Variants in FAM135B observed in about 807,000 individuals in gnomAD.
FAM135B encodes the protein family with sequence similarity 135 member B.
A neutral mutation model predicts 127.7 loss-of-function variants in FAM135B; 43 were observed. That is an observed-to-expected ratio of 0.34 (90% CI 0.26 to 0.43). The LOEUF is 0.43. Ranked by LOEUF, FAM135B falls within the 20% of genes least tolerant of loss-of-function variation. FAM135B has a pLI of 1.00. For synonymous variants in FAM135B, 670 were observed against 665.1 expected, an observed-to-expected ratio of 1.01 and a Z score of -0.11; for missense variants, 1,558 against 1,725.6, an observed-to-expected ratio of 0.90 and a Z score of 1.72.
intron 2 of FAM135B, among the ~76,000 whole-genome samples, chr8:138,334,353 T>G (rs913401419): frequency 1.3e-5 from 2 of 152,220 alleles, no homozygotes; most frequent in Non-Finnish European, 2.9e-5. Flanking sequence ...TTAGCAAATA[T>G]TCACTTATTC....
intron 3 of FAM135B, among the ~76,000 whole-genome samples, chr8:138,289,483 C>A: frequency 6.6e-6 from 1 of 152,218 alleles, no homozygotes; most frequent in Admixed American, 6.5e-5. Context: ...AAGCTGTGGC[C>A]CTGGACATTT....
intron 1 of FAM135B, among the ~76,000 whole-genome samples, chr8:138,431,257 A>T (rs1835173853): frequency 6.6e-6 from 1 of 152,218 alleles, no homozygotes; most frequent in South Asian, 2.1e-4. Flanking sequence ...AAGAGAAAAC[A>T]TGCCCCTGCC....
At chr8:138,195,659 A>AAC (rs889536031) in intron 8 of FAM135B, among the ~76,000 whole-genome samples, 20 of 146,966 alleles carry the variant, frequency 1.4e-4, no homozygotes, top group Non-Finnish European at 2.2e-4. Flanking sequence ...CACACACACA[A>AAC]ACACACACAC....
At position 138,475,509 on chromosome 8, in the gene FAM135B, C is replaced by T. The variant is rs116825005; in HGVS notation, c.-20+21162G>A. ...CCATGTCTGCAAGTAGCATCACTAC[C>T]ATCTACCATCTTGTCATCCAACCCA... On this transcript the variant is annotated intron_variant, in intron 1 of 19. Coordinates refer to ENST00000395297, the MANE Select transcript of FAM135B (RefSeq NM_015912.4). 6.2e-3 allele frequency among the ~76,000 whole-genome samples: 938 copies of T among 152,252 alleles called. 6 individuals are homozygous for T. Among genetic ancestry groups the T allele is most frequent in the African/African-American group, 0.022 (908 of 41,550 alleles).
intron 7 of FAM135B, among the ~76,000 whole-genome samples, chr8:138,224,752 A>C (rs1432908340): frequency 6.6e-6 from 1 of 152,202 alleles, no homozygotes; most frequent in Non-Finnish European, 1.5e-5. Context: ...TTAGGTCATG[A>C]GGATGGGACC....
Position 138,267,346 on chromosome 8 carries a change from C to A in FAM135B, c.158-1504G>T, listed in dbSNP as rs557017273. ...CTCTAGAACTGTGAAAAATACATTT[C>A]TGTGGTCAATAAGGCACCCAGTTTA... On this transcript the variant is annotated intron_variant, in intron 3 of 19. Coordinates refer to ENST00000395297, the MANE Select transcript of FAM135B (RefSeq NM_015912.4). 5.7e-4 allele frequency among the ~76,000 whole-genome samples: 87 copies of A among 152,272 alleles called. 2 individuals are homozygous for A. The South Asian group carries it at 9.3e-3, about 16-fold the overall frequency.
At position 138,265,723 on chromosome 8, in the gene FAM135B, A is replaced by C. The variant is rs1181762299; in HGVS notation, c.277T>G (p.Leu93Val). 1 of 1,614,046 alleles carries C rather than the reference A, an allele frequency of 6.2e-7. No homozygotes were observed. ...INDAVVFRVH[L>V]LLGGERMEDA... is the part of the protein sequence containing the mutation. ...CTTACCCTTTCACCACCCAAGAGTA[A>C]ATGAACTCGGAAGACCACAGCATCA... The change falls in exon 4 of 20, where the codon TTA (leucine) becomes GTA (valine). Residue 93 changes from leucine (L) to valine (V), a missense_variant. Leu to Val is a conservative substitution (Grantham distance 32, BLOSUM62 1). Coordinates refer to ENST00000395297, the MANE Select transcript of FAM135B (RefSeq NM_015912.4).
chr8:138,214,719 A>G (rs1032951962), intron 7 of FAM135B, among the ~76,000 whole-genome samples: 5 of 152,124 alleles, frequency 3.3e-5, no homozygotes, highest in Admixed American at 2.0e-4. Context: ...GAAAAATAAA[A>G]TTGATACGAT....
intron 1 of FAM135B, among the ~76,000 whole-genome samples, chr8:138,399,020 T>C (rs1423295033): frequency 1.3e-5 from 2 of 152,196 alleles, no homozygotes; most frequent in African/African-American, 4.8e-5. Flanking sequence ...TTATGCAAAA[T>C]TAGCCTGTCT....
intron 7 of FAM135B, among the ~76,000 whole-genome samples, chr8:138,203,354 C>G (rs1817295601): frequency 1.3e-5 from 2 of 152,112 alleles, no homozygotes; most frequent in South Asian, 4.1e-4. Context: ...GCCCAACACC[C>G]AAGAACAAAA....
At chr8:138,192,920 T>C (rs1470781422) in intron 9 of FAM135B, among the ~76,000 whole-genome samples, 3 of 152,186 alleles carry the variant, frequency 2.0e-5, no homozygotes. Flanking sequence ...TTTATCCCCA[T>C]TTACAGATAA....
intron 1 of FAM135B, chr8:138,441,178 G>A (rs1835743562): frequency 6.6e-6 from 1 of 152,174 alleles, no homozygotes; most frequent in African/African-American, 2.4e-5. Flanking sequence ...TACAGCACTG[G>A]AGAGTAAACA....
chr8:138,201,006 C>T (rs542164378), intron 7 of FAM135B, among the ~76,000 whole-genome samples: 1 of 152,342 alleles, frequency 6.6e-6, no homozygotes, highest in East Asian at 1.9e-4. Flanking sequence ...GCCTCTGAAA[C>T]CAGGCCTGGC....
chr8:138,306,205 C>A lies in FAM135B; in HGVS notation c.157+4636G>T, dbSNP rs775028983. Among the ~76,000 whole-genome samples the A allele has an allele frequency of 2.0e-5, 3 of 152,024 alleles. No individual in the cohort carries two copies. In the South Asian group the frequency reaches 6.2e-4, roughly 32 times the overall value. On this transcript the variant is annotated intron_variant, in intron 3 of 19. Transcript: ENST00000395297. ...ATACCAGCACTTTGGGAGGCTGAGGCGGGCAGATCACTTGAGGTCAGGAGT... is the reference window on the plus strand; with the variant it reads ...ATACCAGCACTTTGGGAGGCTGAGGAGGGCAGATCACTTGAGGTCAGGAGT...
At chr8:138,347,535 T>C (rs1019854178) in intron 2 of FAM135B, among the ~76,000 whole-genome samples, 2 of 152,194 alleles carry the variant, frequency 1.3e-5, no homozygotes, top group Non-Finnish European at 2.9e-5. Flanking sequence ...CCAAAAGGAA[T>C]GGTGCCCAGT....
intron 2 of FAM135B, chr8:138,358,420 G>A (rs17666254): frequency 0.048 from 7,367 of 152,282 alleles, 236 homozygotes; most frequent in Non-Finnish European, 0.072. Context: ...GACCAGCTGA[G>A]GATGTTTGGT....
At chr8:138,166,939 A>G (rs1282983825) in intron 12 of FAM135B, among the ~76,000 whole-genome samples, 2 of 152,010 alleles carry the variant, frequency 1.3e-5, no homozygotes, top group Non-Finnish European at 2.9e-5. Context: ...AAAACAAATC[A>G]GCCTGGAGAA....
chr8:138,160,239 A>G (rs1819224767), intron 12 of FAM135B, among the ~76,000 whole-genome samples: 1 of 152,072 alleles, frequency 6.6e-6, no homozygotes, highest in South Asian at 2.1e-4. Context: ...ATGCGATCAA[A>G]TTTATGACGC....
chr8:138,231,112 G>A (rs949394071), intron 7 of FAM135B, among the ~76,000 whole-genome samples: 5 of 151,696 alleles, frequency 3.3e-5, no homozygotes, highest in Non-Finnish European at 7.4e-5. Flanking sequence ...TCACTGCAAC[G>A]GGGTTCAAGC....
Sources: allele counts gnomAD v4.1 joint callset (sites outside exome capture counted in the v4.1 genomes callset), GRCh38; gene constraint gnomAD v4.1.1; transcripts MANE v1.5; gene names NCBI Gene and HGNC (gene_info 2026-07-23, HGNC 2026-07-21).